Variants in NDST4 observed in about 807,000 individuals in gnomAD.
NDST4 encodes the protein N-deacetylase and N-sulfotransferase 4, also known as N-heparan sulfate sulfotransferase 4.
NDST4 carries 63 observed loss-of-function variants against 100.8 expected under a neutral mutation model. That is an observed-to-expected ratio of 0.62 (90% CI 0.51 to 0.77). The LOEUF (loss-of-function observed/expected upper bound fraction) is 0.77, where lower values mean the gene tolerates loss of function less well. NDST4 is among the 30% of genes least tolerant of loss of function. NDST4 has a pLI of 0.00. For missense variants in NDST4, 943 were observed against 1,018.4 expected (o/e 0.93, Z 1.01); for synonymous variants, 377 against 361.8 (o/e 1.04, Z -0.48).
At chr4:115,067,239 C>G (rs114686548) in intron 2 of NDST4, among the ~76,000 whole-genome samples, 1,676 of 152,226 alleles carry the variant, frequency 0.011, 15 homozygotes, top group African/African-American at 0.02. Flanking sequence ...TCTATACTAG[C>G]TGATATGCAT....
chr4:114,877,088 G>A lies in NDST4; in HGVS notation c.1537-6138C>T, dbSNP rs186284050. On this transcript the variant is annotated intron_variant, in intron 6 of 13. Transcript: ENST00000264363. ...AACACACACACACACACACACACAC[G>A]CGTGCACGCGCGCAAGCCTGGGCAT... 3.1e-3 allele frequency among the ~76,000 whole-genome samples: 371 copies of A among 118,950 alleles called. 2 individuals carry two copies. Among genetic ancestry groups the A allele is most frequent in the African/African-American group, 0.012 (347 of 27,890 alleles). The allele number at this position is 118,950 out of a possible 152,430, so 78.0% of individuals were successfully genotyped here.
At chr4:114,969,611 C>T (rs1726463874) in intron 4 of NDST4, among the ~76,000 whole-genome samples, 1 of 152,190 alleles carries the variant, frequency 6.6e-6, no homozygotes, top group East Asian at 1.9e-4. Context: ...ATTATGGCCT[C>T]TAGCCCCATC....
chr4:114,937,601 T>G (rs1000115254), intron 4 of NDST4, 98 bp from the exon 5 acceptor site: 3 of 961,052 alleles, frequency 3.1e-6, no homozygotes. Flanking sequence ...TTGAACTCTA[T>G]GCTAAATATG....
At chr4:115,021,878 T>C (rs1219825363) in intron 2 of NDST4, among the ~76,000 whole-genome samples, 2 of 151,760 alleles carry the variant, frequency 1.3e-5, no homozygotes, top group Non-Finnish European at 2.9e-5. Flanking sequence ...ACATTCCATA[T>C]ATATACGTTC....
At chr4:114,883,474 GA>G (rs1266594340) in intron 6 of NDST4, among the ~76,000 whole-genome samples, 2 of 152,018 alleles carry the variant, frequency 1.3e-5, no homozygotes, top group Non-Finnish European at 2.9e-5. Context: ...TGTGCTAAAA[GA>G]AGAGATAAAA....
At chr4:114,993,276 G>C (rs995558472) in intron 2 of NDST4, among the ~76,000 whole-genome samples, 1 of 151,902 alleles carries the variant, frequency 6.6e-6, no homozygotes. Flanking sequence ...AATTTTGAAA[G>C]TTTAGGATTC....
At position 115,010,424 on chromosome 4, in the gene NDST4, G is replaced by C. The variant is rs1727517298; in HGVS notation, c.979-33150C>G. Among the ~76,000 whole-genome samples, 3 of 127,742 alleles carry C rather than the reference G, an allele frequency of 2.3e-5. 1 individual carries two copies. In the South Asian group the frequency reaches 9.1e-4, roughly 39 times the overall value. The allele number at this position is 127,742 out of a possible 152,430, so 83.8% of individuals were successfully genotyped here. ...AATTTGAAATCATCATTCTCAGTAA[G>C]CTATCGCAAGAACAAAAAAACAAAC... On this transcript the variant is annotated intron_variant, in intron 2 of 13. Coordinates refer to ENST00000264363, the MANE Select transcript of NDST4 (RefSeq NM_022569.3).
intron 3 of NDST4, among the ~76,000 whole-genome samples, chr4:114,976,323 C>T (rs1282862508): frequency 6.6e-6 from 1 of 152,028 alleles, no homozygotes; most frequent in African/African-American, 2.4e-5. Flanking sequence ...CAGTTCACAG[C>T]ATGGATGCAC....
intron 2 of NDST4, among the ~76,000 whole-genome samples, chr4:115,012,784 A>C (rs978454310): frequency 1.3e-5 from 2 of 152,036 alleles, no homozygotes; most frequent in African/African-American, 4.8e-5. Context: ...ACGTGGAAGC[A>C]ATCTAATTGT....
intron 6 of NDST4, among the ~76,000 whole-genome samples, chr4:114,910,729 A>G (rs1043290658): frequency 9.2e-5 from 14 of 152,288 alleles, no homozygotes; most frequent in East Asian, 5.8e-4. Context: ...CAAAATCAGC[A>G]TATCAATCCA....
In NDST4 at chr4:115,108,409, T is replaced by C. The variant is rs1729875800; in HGVS notation, c.-247+5035A>G. On this transcript the variant is annotated intron_variant, in intron 1 of 13. Transcript: ENST00000264363. The stretch of plus-strand genomic sequence containing the variant: ...TCAGGAATAGAATCAAGCCAAAGCA[T>C]CTAAATGTGTGAAATCACTTTCCCT... Among the ~76,000 whole-genome samples, 4 of 151,982 alleles carry C rather than the reference T, an allele frequency of 2.6e-5. No individual in the cohort carries two copies. In the South Asian group the frequency reaches 8.3e-4, roughly 31 times the overall value.
At chr4:114,895,297 G>A (rs1012863172) in intron 6 of NDST4, among the ~76,000 whole-genome samples, 7 of 152,050 alleles carry the variant, frequency 4.6e-5, no homozygotes, top group Admixed American at 4.6e-4. Context: ...AAATAATAAA[G>A]GGGATATCAC....
At chr4:114,862,416 C>T (rs1030380127) in intron 7 of NDST4, among the ~76,000 whole-genome samples, 1 of 152,162 alleles carries the variant, frequency 6.6e-6, no homozygotes, top group African/African-American at 2.4e-5. Flanking sequence ...TCAACCTATA[C>T]TTATTGAATT....
intron 1 of NDST4, among the ~76,000 whole-genome samples, chr4:115,079,078 A>G (rs525972): frequency 0.23 from 35,235 of 151,712 alleles, 5,553 homozygotes; most frequent in East Asian, 0.45. Context: ...TACTACAGGC[A>G]CGGTGGCTCA....
intron 4 of NDST4, among the ~76,000 whole-genome samples, chr4:114,961,486 A>G (rs1279300032): frequency 1.3e-5 from 2 of 152,020 alleles, no homozygotes; most frequent in African/African-American, 4.8e-5. Context: ...ACAAACTGGT[A>G]AAATCAATAA....
intron 2 of NDST4, among the ~76,000 whole-genome samples, chr4:115,000,074 A>G (rs1281075458): frequency 6.6e-6 from 1 of 151,834 alleles, no homozygotes; most frequent in Non-Finnish European, 1.5e-5. Flanking sequence ...AGCATTAGCT[A>G]TGTGTTTTGA....
At position 114,940,261 on chromosome 4, in the gene NDST4, C is replaced by A. The variant is rs373470280; in HGVS notation, c.1222-2758G>T. 3.9e-5 allele frequency among the ~76,000 whole-genome samples: 6 copies of A among 152,064 alleles called. No homozygotes were observed. In the East Asian group the frequency reaches 7.7e-4, roughly 20 times the overall value. On this transcript the variant is annotated intron_variant, in intron 4 of 13. Coordinates refer to ENST00000264363, the MANE Select transcript of NDST4 (RefSeq NM_022569.3). ...GGGGTTTGACTTGATCTAATGTTTCCAGTCCATTAAATCCCAGTTAGTTGC... is the reference window on the plus strand; with the variant it reads ...GGGGTTTGACTTGATCTAATGTTTCAAGTCCATTAAATCCCAGTTAGTTGC...
chr4:114,989,559 G>A (rs549628454), intron 2 of NDST4, among the ~76,000 whole-genome samples: 1 of 152,222 alleles, frequency 6.6e-6, no homozygotes, highest in African/African-American at 2.4e-5. Flanking sequence ...TTGAACCTGT[G>A]GGAAGCCATT....
intron 1 of NDST4, among the ~76,000 whole-genome samples, chr4:115,098,539 G>A (rs933226965): frequency 6.6e-6 from 1 of 152,020 alleles, no homozygotes; most frequent in Non-Finnish European, 1.5e-5. Context: ...TATTAAAGGA[G>A]AATAACAAAG....
Sources: allele counts gnomAD v4.1 joint callset (sites outside exome capture counted in the v4.1 genomes callset), GRCh38; gene constraint gnomAD v4.1.1; transcripts MANE v1.5; gene names NCBI Gene and HGNC (gene_info 2026-07-23, HGNC 2026-07-21).